HIVEP2: variants seen among roughly 807,000 people sequenced by gnomAD.
HIVEP2 encodes the protein transcription factor HIVEP2.
HIVEP2 carries 14 observed loss-of-function variants against 180.7 expected under a neutral mutation model. The ratio of observed to expected loss-of-function variants is 0.08; its 90% confidence interval spans 0.05 to 0.12. The LOEUF is 0.12. Ranked by LOEUF, HIVEP2 falls within the 10% of genes least tolerant of loss-of-function variation. HIVEP2 has a pLI of 1.00. For missense variants in HIVEP2, 2,579 were observed against 3,008.5 expected, an observed-to-expected ratio of 0.86 and a Z score of 3.34; for synonymous variants, 1,184 against 1,136.4, an observed-to-expected ratio of 1.04 and a Z score of -0.84.
At chr6:142,801,534 C>T (rs516300) in intron 2 of HIVEP2, among the ~76,000 whole-genome samples, 79,394 of 151,518 alleles carry the variant, frequency 0.52, 21,867 homozygotes, top group South Asian at 0.61. Context: ...AGAATCTAAG[C>T]GAATTCTCTT....
Position 142,753,590 on chromosome 6 carries a change from A to C in HIVEP2, c.6858T>G (p.Gly2286=), listed in dbSNP as rs368336925. ...GACCAGATGACTGCAAAGCGTGAGG[A>C]CCTCGCTTCTCATGCTGCTTAGAAA... is the stretch of plus-strand genomic sequence containing the variant. ...YVLSKQHEKR[G]PHALQSSGPP... Residue 2286 remains glycine (G), a synonymous_variant, in exon 10 of 10, where the codon GGT becomes GGG. Transcript: ENST00000367603. The C allele has an allele frequency of 4.3e-6, 7 of 1,613,906 alleles. No homozygotes were observed. Among genetic ancestry groups the C allele is most frequent in the African/African-American group, 4.0e-5 (3 of 74,906 alleles).
chr6:142,914,742 C>T (rs1274419893), intron 1 of HIVEP2, among the ~76,000 whole-genome samples: 1 of 152,184 alleles, frequency 6.6e-6, no homozygotes, highest in Non-Finnish European at 1.5e-5. Context: ...ACATAAATAT[C>T]TAATATTCTT....
At chr6:142,813,687 C>T (rs997846041) in intron 2 of HIVEP2, among the ~76,000 whole-genome samples, 33 of 151,572 alleles carry the variant, frequency 2.2e-4, no homozygotes, top group African/African-American at 8.0e-4. Flanking sequence ...GCAATCTTCC[C>T]ACCTCAGCCT....
At chr6:142,895,207 T>C (rs1776955449) in intron 1 of HIVEP2, among the ~76,000 whole-genome samples, 1 of 152,192 alleles carries the variant, frequency 6.6e-6, no homozygotes, top group Admixed American at 6.5e-5. Context: ...TCTTGTACAC[T>C]TCACATTGTT....
chr6:142,937,396 G>C (rs372113567), intron 1 of HIVEP2, among the ~76,000 whole-genome samples: 10 of 152,228 alleles, frequency 6.6e-5, no homozygotes, highest in African/African-American at 2.4e-4. Flanking sequence ...TTTACTATGT[G>C]CTCATTGAGA....
intron 2 of HIVEP2, among the ~76,000 whole-genome samples, chr6:142,825,891 A>G (rs534594875): frequency 9.2e-5 from 14 of 152,226 alleles, no homozygotes; most frequent in Middle Eastern, 6.8e-3. Flanking sequence ...GACTTTCAAC[A>G]TGCTTCAAAC....
chr6:142,875,716 T>G (rs2128413843), intron 1 of HIVEP2, among the ~76,000 whole-genome samples: 1 of 152,250 alleles, frequency 6.6e-6, no homozygotes, highest in Non-Finnish European at 1.5e-5. Context: ...CAAACATGGT[T>G]GATTTAGTGA....
chr6:142,781,847 G>A (rs1214528968), intron 3 of HIVEP2, among the ~76,000 whole-genome samples: 3 of 152,160 alleles, frequency 2.0e-5, no homozygotes, highest in Non-Finnish European at 4.4e-5. Context: ...TCAGGATAAC[G>A]GCTGGGTGGG....
intron 7 of HIVEP2, among the ~76,000 whole-genome samples, chr6:142,764,473 G>C (rs1484670729): frequency 6.6e-6 from 1 of 152,116 alleles, no homozygotes; most frequent in African/African-American, 2.4e-5. Context: ...GCATGTGCAG[G>C]ATTTCAATAC....
intron 2 of HIVEP2, among the ~76,000 whole-genome samples, chr6:142,793,669 TTCTTTCTCTCTC>T (rs1562521397): frequency 3.1e-4 from 30 of 97,294 alleles, no homozygotes; most frequent in East Asian, 2.1e-3. Context: ...TTTTCTTTCT[TTCTTTCTCTCTC>T]TCTCTCTCTC....
intron 2 of HIVEP2, among the ~76,000 whole-genome samples, chr6:142,787,416 A>AGT (rs1408010098): frequency 6.6e-6 from 1 of 152,144 alleles, no homozygotes; most frequent in African/African-American, 2.4e-5. Flanking sequence ...TCTTCACTAG[A>AGT]GAAGAGACAC....
chr6:142,759,355 G>A (rs1475134832), intron 9 of HIVEP2, among the ~76,000 whole-genome samples: 6 of 152,000 alleles, frequency 3.9e-5, no homozygotes, highest in South Asian at 2.1e-4. Context: ...GGAAAGTCAA[G>A]GTTAACAGCT....
chr6:142,756,584 C>G (rs1413654448), intron 9 of HIVEP2, among the ~76,000 whole-genome samples: 1 of 152,038 alleles, frequency 6.6e-6, no homozygotes, highest in Non-Finnish European at 1.5e-5. Context: ...TAGACACAAT[C>G]TTCATCTACA....
In HIVEP2 at chr6:142,773,458, T is replaced by C; in HGVS notation, c.1281A>G (p.Gly427=). 2 of 1,614,242 alleles carry C rather than the reference T, an allele frequency of 1.2e-6. No individual in the cohort carries two copies. Among genetic ancestry groups the C allele is most frequent in the East Asian group, 2.2e-5 (1 of 44,888 alleles). Residue 427 remains glycine, a synonymous_variant, in exon 5 of 10, where the codon GGA becomes GGG. Transcript: ENST00000367603. ...TTCTCGGACTAAGCCGACAGTATTT[T>C]CCAAAGATGATTTCTTCATAAGACT... ...NAKSYEEIIF[G]KYCRLSPRNA... is the part of the protein sequence containing the mutation.
chr6:142,784,332 A>G (rs1399969363), intron 2 of HIVEP2, among the ~76,000 whole-genome samples: 1 of 152,200 alleles, frequency 6.6e-6, no homozygotes, highest in Non-Finnish European at 1.5e-5. Flanking sequence ...TTTTGTCCTG[A>G]CAAGTTATTA....
chr6:142,818,998 A>T (rs1776950447), intron 2 of HIVEP2, among the ~76,000 whole-genome samples: 2 of 104,264 alleles, frequency 1.9e-5, no homozygotes, highest in Non-Finnish European at 3.5e-5. Flanking sequence ...AAAGGAAAGG[A>T]GGGAGGGAGG....
intron 2 of HIVEP2, among the ~76,000 whole-genome samples, chr6:142,799,247 C>T (rs1214612682): frequency 6.6e-6 from 1 of 152,108 alleles, no homozygotes; most frequent in Non-Finnish European, 1.5e-5. Flanking sequence ...AAAATTCCTG[C>T]TTTGGAGTTT....
intron 1 of HIVEP2, among the ~76,000 whole-genome samples, chr6:142,842,909 C>G (rs1323397344): frequency 6.6e-6 from 1 of 152,074 alleles, no homozygotes; most frequent in African/African-American, 2.4e-5. Context: ...CCCCTGGCCA[C>G]ATTTAAACAT....
intron 1 of HIVEP2, among the ~76,000 whole-genome samples, chr6:142,837,910 T>C (rs1453461987): frequency 1.3e-5 from 2 of 152,002 alleles, no homozygotes; most frequent in Non-Finnish European, 2.9e-5. Context: ...ATACTAATAT[T>C]TCAAAAAGTC....
Sources: allele counts gnomAD v4.1 joint callset (sites outside exome capture counted in the v4.1 genomes callset), GRCh38; gene constraint gnomAD v4.1.1; transcripts MANE v1.5; gene names NCBI Gene and HGNC (gene_info 2026-07-23, HGNC 2026-07-21).